Variants in SLC8A1 observed in about 807,000 individuals in gnomAD.
SLC8A1 encodes solute carrier family 8 member A1.
In SLC8A1, 18 loss-of-function variants were observed where a neutral mutation model predicts 68.3. The observed-to-expected ratio is 0.26, with a 90% CI of 0.18 to 0.39. The LOEUF (loss-of-function observed/expected upper bound fraction) is 0.39. Among genes scored for constraint, SLC8A1 ranks in the 10% least tolerant of loss-of-function variants. The pLI, the probability that SLC8A1 is intolerant of heterozygous loss-of-function variation, is 1.00. For synonymous variants in SLC8A1, 475 were observed against 415.5 expected (o/e 1.14, Z -1.74); for missense variants, 985 against 1,156.7 (o/e 0.85, Z 2.15).
At chr2:40,120,599 T>C (rs1012624319) in intron 7 of SLC8A1, 2 of 152,208 alleles carry the variant, frequency 1.3e-5, no homozygotes, top group Admixed American at 6.5e-5. Context: ...TGCTGGTTTT[T>C]TTGATAGGAG....
At chr2:40,164,431 T>A (rs2046210508) in intron 5 of SLC8A1, among the ~76,000 whole-genome samples, 1 of 152,172 alleles carries the variant, frequency 6.6e-6, no homozygotes. Context: ...GATATTACTA[T>A]CCCCCTGCAA....
intron 2 of SLC8A1, among the ~76,000 whole-genome samples, chr2:40,379,491 T>A (rs993578488): frequency 1.3e-5 from 2 of 152,136 alleles, no homozygotes. Context: ...CTTATAAGCA[T>A]GGCAAATGGT....
rs756095181 is a variant in SLC8A1, at chr2:40,337,338, T to C, written c.1808+91135A>G. The C allele has an allele frequency of 1.7e-5, 6 of 353,520 alleles. 1 individual carries two copies. Among genetic ancestry groups the C allele is most frequent in the South Asian group, 1.2e-4 (6 of 48,516 alleles). 21.9% of individuals were successfully genotyped at this position (353,520 alleles called of 1,614,324 possible). Reference sequence around the variant, plus strand: ...CAGTGATATTGTTTTGTAAATATCATACTACTACTCAAGACAGCTCAGTCG... The same window carrying C: ...CAGTGATATTGTTTTGTAAATATCACACTACTACTCAAGACAGCTCAGTCG... On this transcript the variant is annotated intron_variant, in intron 2 of 7. Coordinates refer to ENST00000406785, the Ensembl canonical transcript of SLC8A1.
chr2:40,238,209 T>G (rs1360629040), intron 2 of SLC8A1, among the ~76,000 whole-genome samples: 1 of 152,018 alleles, frequency 6.6e-6, no homozygotes, highest in Non-Finnish European at 1.5e-5. Context: ...CCAGCCTCGC[T>G]GCCGCCTTGC....
intron 1 of SLC8A1, among the ~76,000 whole-genome samples, chr2:40,487,077 C>T (rs762020430): frequency 5.3e-5 from 8 of 151,896 alleles, no homozygotes; most frequent in South Asian, 2.1e-4. Context: ...AAAGTTGCAT[C>T]GAATCCCTTT....
intron 2 of SLC8A1, among the ~76,000 whole-genome samples, chr2:40,320,842 T>C (rs1238841128): frequency 2.0e-5 from 3 of 152,164 alleles, no homozygotes; most frequent in Middle Eastern, 3.2e-3. Context: ...GACCTCTTCT[T>C]TCCTTGTAGC....
chr2:40,433,773 C>A (rs1022094736), intron 1 of SLC8A1, among the ~76,000 whole-genome samples: 5 of 152,140 alleles, frequency 3.3e-5, no homozygotes, highest in Admixed American at 6.5e-5. Flanking sequence ...TTATATCATC[C>A]CTGATAGTGT....
At chr2:40,257,557 C>T (rs566666409) in intron 2 of SLC8A1, among the ~76,000 whole-genome samples, 2 of 152,054 alleles carry the variant, frequency 1.3e-5, no homozygotes, top group Non-Finnish European at 2.9e-5. Flanking sequence ...GCCACTATAT[C>T]CAAGAGCGTA....
At chr2:40,308,611 C>T (rs2149295651) in intron 2 of SLC8A1, among the ~76,000 whole-genome samples, 1 of 151,728 alleles carries the variant, frequency 6.6e-6, no homozygotes, top group South Asian at 2.1e-4. Context: ...TAGTGCTATA[C>T]TTTACTCAGT....
At chr2:40,493,121 T>G (rs1279925227) in intron 1 of SLC8A1, among the ~76,000 whole-genome samples, 1 of 151,972 alleles carries the variant, frequency 6.6e-6, no homozygotes, top group African/African-American at 2.4e-5. Context: ...ATAGACTGAA[T>G]TAAGAAAATG....
intron 2 of SLC8A1, among the ~76,000 whole-genome samples, chr2:40,219,095 G>A (rs943361933): frequency 2.0e-5 from 3 of 151,864 alleles, no homozygotes; most frequent in African/African-American, 7.3e-5. Context: ...AAGCAGGGAA[G>A]ACTACATGTA....
chr2:40,146,015 T>G (rs13027435), intron 6 of SLC8A1, among the ~76,000 whole-genome samples: 2,550 of 152,330 alleles, frequency 0.017, 32 homozygotes, highest in Middle Eastern at 0.051. Context: ...TCTCTATACC[T>G]TAATTGGTGG....
intron 7 of SLC8A1, among the ~76,000 whole-genome samples, chr2:40,137,422 T>G (rs1274569556): frequency 6.6e-6 from 1 of 152,184 alleles, no homozygotes; most frequent in Non-Finnish European, 1.5e-5. Flanking sequence ...TTTATGATCA[T>G]TATTTGCACA....
chr2:40,339,201 C>G (rs139316691), intron 2 of SLC8A1, among the ~76,000 whole-genome samples: 7 of 152,158 alleles, frequency 4.6e-5, no homozygotes, highest in Non-Finnish European at 1.0e-4. Flanking sequence ...GTTATTCATT[C>G]CTAAGATGTC....
At chr2:40,157,078 G>C (rs1419342899) in intron 6 of SLC8A1, among the ~76,000 whole-genome samples, 1 of 152,144 alleles carries the variant, frequency 6.6e-6, no homozygotes, top group Non-Finnish European at 1.5e-5. Context: ...ATGAAAGAAA[G>C]AAGTTAACCA....
At chr2:40,248,109 A>G (rs1042666444) in intron 2 of SLC8A1, among the ~76,000 whole-genome samples, 2 of 152,204 alleles carry the variant, frequency 1.3e-5, no homozygotes. Flanking sequence ...ACTGCACTCC[A>G]TGGAGTAAGT....
chr2:40,451,339 G>A lies in SLC8A1; in HGVS notation c.-25+565C>T, dbSNP rs1309533553. ...CTGCTACCCCCTACATTTCTTCCTC[G>A]TCTGTCTCTGCCCCGCCACACCTCC... On this transcript the variant is annotated intron_variant, in intron 1 of 7. Transcript: ENST00000406785. 5.3e-5 allele frequency among the ~76,000 whole-genome samples: 8 copies of A among 151,956 alleles called. No individual in the cohort carries two copies. In the South Asian group the frequency reaches 1.7e-3, roughly 32 times the overall value.
chr2:40,120,930 G>C (rs561954704), intron 7 of SLC8A1: 7 of 152,342 alleles, frequency 4.6e-5, no homozygotes, highest in Admixed American at 3.3e-4. Flanking sequence ...AGTGTTAGAA[G>C]TACCTGGAGA....
chr2:40,466,164 G>A (rs1703659838), intron 1 of SLC8A1, among the ~76,000 whole-genome samples: 1 of 152,042 alleles, frequency 6.6e-6, no homozygotes, highest in African/African-American at 2.4e-5. Context: ...TGAGTCCGAA[G>A]GAATTGATAC....
Sources: gnomAD v4.1 joint callset for allele counts (sites outside exome capture counted in the v4.1 genomes callset) on GRCh38, gnomAD v4.1.1 for gene constraint, MANE v1.5 for transcripts, NCBI Gene and HGNC (gene_info 2026-07-23, HGNC 2026-07-21) for gene names.